Variants in CTBS observed in about 807,000 individuals in gnomAD.
CTBS encodes the protein chitobiase.
In CTBS, 35 loss-of-function variants were observed where a neutral mutation model predicts 44.3. The ratio of observed to expected loss-of-function variants is 0.79; its 90% CI spans 0.60 to 1.05. The LOEUF is 1.05. Among genes scored for constraint, CTBS ranks in the 50% least tolerant of loss-of-function variants. The probability of loss-of-function intolerance (pLI) is 0.00; values close to 1 mark genes in which losing one functional copy is unlikely to be tolerated. For synonymous variants in CTBS, 143 were observed against 168.0 expected, an observed-to-expected ratio of 0.85 and a Z score of 1.15; for missense variants, 458 against 475.3, an observed-to-expected ratio of 0.96 and a Z score of 0.34.
At chr1:84,567,036 G>C (rs985022952) in intron 3 of CTBS, among the ~76,000 whole-genome samples, 1 of 152,162 alleles carries the variant, frequency 6.6e-6, no homozygotes, top group Admixed American at 6.5e-5. Flanking sequence ...ATGTACAAAT[G>C]TTCTAAAACT....
At chr1:84,569,450 T>C (rs746104071) in intron 3 of CTBS, among the ~76,000 whole-genome samples, 5 of 152,202 alleles carry the variant, frequency 3.3e-5, no homozygotes, top group Non-Finnish European at 7.3e-5. Flanking sequence ...GCTCTAATCA[T>C]GTTCATTATG....
At chr1:84,572,848 T>G (rs1263448138) in intron 1 of CTBS, among the ~76,000 whole-genome samples, 3 of 152,042 alleles carry the variant, frequency 2.0e-5, no homozygotes, top group African/African-American at 7.3e-5. Flanking sequence ...CCAGCTAATT[T>G]TTGTATTTTT....
intron 1 of CTBS, 95 bp downstream of exon 1, chr1:84,574,144 G>A (rs767027591): frequency 6.5e-7 from 1 of 1,534,952 alleles, no homozygotes; most frequent in East Asian, 2.5e-5. Context: ...AGCTGGTTTC[G>A]GCGCCCACGG....
chr1:84,555,066 T>C lies in CTBS; in HGVS notation c.1091A>G (p.Asp364Gly), dbSNP rs966691223. 6.2e-7 allele frequency: 1 copy of C among 1,614,018 alleles called. No individual in the cohort carries two copies. Among genetic ancestry groups the C allele is most frequent in the Non-Finnish European group, 8.5e-7 (1 of 1,179,942 alleles). The change falls in exon 7 of 7, where the codon GAT (aspartate) becomes GGT (glycine). Residue 364 changes from aspartate to glycine, a missense_variant. Transcript: ENST00000370630. The part of the protein sequence containing the change: ...WNANCLDYSG[D>G]AVAKQQTEEM... ...TTCAGTTTGCTGTTTGGCTACAGCA[T>C]CTCCAGAGTAGTCAAGACAGTTTGC...
intron 6 of CTBS, 85 bp downstream of exon 6, chr1:84,563,172 G>A: frequency 1.0e-6 from 1 of 968,226 alleles, no homozygotes; most frequent in East Asian, 3.1e-5. Context: ...AAAACTGATA[G>A]AAATTCTTGA....
chr1:84,568,814 C>T (rs1266154644), intron 3 of CTBS, among the ~76,000 whole-genome samples: 1 of 152,126 alleles, frequency 6.6e-6, no homozygotes, highest in African/African-American at 2.4e-5. Context: ...CTCTCTTTCT[C>T]CTTCTCTGGC....
At chr1:84,566,781 C>T (rs773508653) in intron 3 of CTBS, among the ~76,000 whole-genome samples, 19 of 152,188 alleles carry the variant, frequency 1.2e-4, no homozygotes, top group African/African-American at 3.1e-4. Context: ...TACAGGCATG[C>T]GCCACCACGC....
chr1:84,555,262 G>A, intron 6 of CTBS, 63 bp from the exon 7 acceptor site: 1 of 1,307,404 alleles, frequency 7.6e-7, no homozygotes, highest in Non-Finnish European at 1.1e-6. Context: ...CCACAGGAAA[G>A]GGAAAAATAA....
chr1:84,574,223 A>C lies in CTBS; in HGVS notation c.177+16T>G, dbSNP rs1307730503. The stretch of plus-strand genomic sequence containing the variant: ...CCCTGAAGCCCAGACCTAGAGGAGC[A>C]GAGGAAGGCGCTGACCTCGAAATCT... On this transcript the variant is annotated intron_variant, in intron 1 of 6. Transcript: ENST00000370630. 6.2e-7 allele frequency: 1 copy of C among 1,602,798 alleles called. No homozygotes were observed. The highest frequency in any genetic ancestry group is 8.5e-7 in the Non-Finnish European group (1 of 1,175,486).
At position 84,570,571 on chromosome 1, in the gene CTBS, A is replaced by G. The variant is rs1227409452; in HGVS notation, c.316+11T>C. 1 of 1,599,466 alleles carries G rather than the reference A, an allele frequency of 6.3e-7. No individual in the cohort carries two copies. The highest frequency in any genetic ancestry group is 2.2e-5 in the East Asian group (1 of 44,628). ...CCAATTGCTGCACACATAGATCTGGAAACAACATACCTTTAAGTACTACTC... is the reference window on the plus strand; with the variant it reads ...CCAATTGCTGCACACATAGATCTGGGAACAACATACCTTTAAGTACTACTC... On this transcript the variant is annotated intron_variant, in intron 2 of 6. Transcript: ENST00000370630.
chr1:84,573,066 G>A (rs2994951), intron 1 of CTBS, among the ~76,000 whole-genome samples: 1,959 of 152,206 alleles, frequency 0.013, 37 homozygotes, highest in African/African-American at 0.043. Flanking sequence ...ATTTTAATTG[G>A]GAGGCCATTA....
chr1:84,559,233 TTATTA>T (rs1684537274), intron 6 of CTBS, among the ~76,000 whole-genome samples: 1 of 152,204 alleles, frequency 6.6e-6, no homozygotes, highest in Non-Finnish European at 1.5e-5. Flanking sequence ...TTCATTATTA[TTATTA>T]TATCTGTTAT....
chr1:84,559,479 G>A (rs1478277322), intron 6 of CTBS, among the ~76,000 whole-genome samples: 3 of 152,004 alleles, frequency 2.0e-5, no homozygotes, highest in Non-Finnish European at 2.9e-5. Context: ...AAAATTAGCC[G>A]GGCATGGTAG....
In CTBS at chr1:84,573,714, T is replaced by G. The variant is rs181179098; in HGVS notation, c.177+525A>C. On this transcript the variant is annotated intron_variant, in intron 1 of 6. Transcript: ENST00000370630. ...TTGCCAGAAGCCTTACAAATTGTTATGTAGATAGAAGGAAAATGTACTGAA... is the reference window on the plus strand; with the variant it reads ...TTGCCAGAAGCCTTACAAATTGTTAGGTAGATAGAAGGAAAATGTACTGAA... Among the ~76,000 whole-genome samples the G allele has an allele frequency of 9.5e-4, 144 of 152,324 alleles. 1 individual carries two copies. The highest frequency in any genetic ancestry group is 6.5e-4 in the Non-Finnish European group (44 of 68,030).
chr1:84,561,889 C>T (rs1300002044), intron 6 of CTBS, among the ~76,000 whole-genome samples: 2 of 152,146 alleles, frequency 1.3e-5, no homozygotes, highest in Non-Finnish European at 2.9e-5. Context: ...ATAGTATAAA[C>T]ATAACTTTTA....
At chr1:84,559,066 C>G (rs72950339) in intron 6 of CTBS, among the ~76,000 whole-genome samples, 5,811 of 152,138 alleles carry the variant, frequency 0.038, 389 homozygotes, top group African/African-American at 0.13. Context: ...TTTTATTGTA[C>G]TTTGCTTTAT....
Position 84,554,936 on chromosome 1 carries a change from C to T in CTBS, c.*63G>A. 4 of 1,305,496 alleles carry T rather than the reference C, an allele frequency of 3.1e-6. No homozygotes were observed. In the Admixed American group the frequency reaches 6.4e-5, roughly 21 times the overall value. The allele number at this position is 1,305,496 out of a possible 1,614,324, so 80.9% of individuals were successfully genotyped here. On this transcript the variant is annotated 3_prime_UTR_variant, in exon 7 of 7. Coordinates refer to ENST00000370630, the MANE Select transcript of CTBS (RefSeq NM_004388.3). Reference sequence around the variant, plus strand: ...AGTATATAGCAACATAATAAAAATGCAAGAAACTAGATCTGTTGATACAGA... The same window carrying T: ...AGTATATAGCAACATAATAAAAATGTAAGAAACTAGATCTGTTGATACAGA...
rs1281982669 is a variant in CTBS at position 84,553,562 on chromosome 1, G to C, written c.*1437C>G. The stretch of plus-strand genomic sequence containing the variant: ...TTAAAAGAAATCTGGAAATATAAAA[G>C]AATGGGGGTATTGAAGTTGCATTCT... On this transcript the variant is annotated 3_prime_UTR_variant, in exon 7 of 7. Coordinates refer to ENST00000370630, the MANE Select transcript of CTBS (RefSeq NM_004388.3). 1 of 152,204 alleles carries C rather than the reference G, an allele frequency of 6.6e-6. No homozygotes were observed. The highest frequency in any genetic ancestry group is 1.5e-5 in the Non-Finnish European group (1 of 68,020). 9.4% of individuals were successfully genotyped at this position (152,204 alleles called of 1,614,324 possible). A position where few individuals can be genotyped will look rare whatever the true frequency, so the allele number is the denominator to read the frequency against.
At chr1:84,560,097 A>AAAAAG (rs1553224318) in intron 6 of CTBS, among the ~76,000 whole-genome samples, 11 of 114,712 alleles carry the variant, frequency 9.6e-5, no homozygotes, top group Non-Finnish European at 1.7e-4. Flanking sequence ...AAAAAAAAAA[A>AAAAAG]AAAGAAAGAA....
Sources: gnomAD v4.1 joint callset for allele counts (sites outside exome capture counted in the v4.1 genomes callset) on GRCh38, gnomAD v4.1.1 for gene constraint, MANE v1.5 for transcripts, NCBI Gene and HGNC (gene_info 2026-07-23, HGNC 2026-07-21) for gene names.